The following MYOM2 variants were observed in gnomAD, a reference collection of about 807,000 sequenced individuals.
MYOM2 encodes the protein myomesin-2.
Under a neutral mutation model 187.6 loss-of-function variants are expected in MYOM2, and 254 were observed. The ratio of observed to expected loss-of-function variants is 1.35; its 90% CI spans 1.22 to 1.50. The LOEUF (loss-of-function observed/expected upper bound fraction) is 1.50, where lower values mean the gene tolerates loss of function less well. Among genes scored for constraint, MYOM2 ranks in the 40% most tolerant of loss-of-function variants. The probability of loss-of-function intolerance (pLI) is 0.00; values close to 1 mark genes in which losing one functional copy is unlikely to be tolerated. For missense variants in MYOM2, 2,796 were observed against 1,924.0 expected, an observed-to-expected ratio of 1.45 and a Z score of -8.48; for synonymous variants, 981 against 753.8, an observed-to-expected ratio of 1.30 and a Z score of -4.94.
chr8:2,114,400 T>C (rs62478427), intron 25 of MYOM2, among the ~76,000 whole-genome samples: 30,747 of 152,190 alleles, frequency 0.2, 3,268 homozygotes, highest in African/African-American at 0.27. Context: ...ACAGCTGCAC[T>C]GCAGGCAGGG....
At chr8:2,113,794 C>A (rs1387453986) in intron 25 of MYOM2, among the ~76,000 whole-genome samples, 1 of 152,214 alleles carries the variant, frequency 6.6e-6, no homozygotes, top group Non-Finnish European at 1.5e-5. Flanking sequence ...CTCAATGCCA[C>A]AGATGGCAGG....
At chr8:2,112,031 G>C (rs1476550836) in intron 25 of MYOM2, among the ~76,000 whole-genome samples, 1 of 152,184 alleles carries the variant, frequency 6.6e-6, no homozygotes, top group Non-Finnish European at 1.5e-5. Flanking sequence ...CAGATTCGAT[G>C]AAACAAAAAT....
At chr8:2,064,303 C>T (rs781634895) in intron 6 of MYOM2, among the ~76,000 whole-genome samples, 7 of 152,220 alleles carry the variant, frequency 4.6e-5, no homozygotes, top group Admixed American at 3.3e-4. Flanking sequence ...TTCCAACACA[C>T]TTCATACAGT....
intron 10 of MYOM2, among the ~76,000 whole-genome samples, chr8:2,074,936 C>T (rs11778645): frequency 0.31 from 47,401 of 152,142 alleles, 9,061 homozygotes; most frequent in Middle Eastern, 0.44. Context: ...CCCGGGCTCC[C>T]GGCTCCATCC....
rs1349975543 is a variant in MYOM2, at chr8:2,055,259, G to A, written c.264-2089G>A. Among the ~76,000 whole-genome samples, 3 of 152,176 alleles carry A rather than the reference G, an allele frequency of 2.0e-5. 1 individual carries two copies. The highest frequency in any genetic ancestry group is 7.2e-5 in the African/African-American group (3 of 41,440). Reference sequence around the variant, plus strand: ...GGTGTCATTCAACATGCACATGCATGTGCTTATAGAGGTGGCACGTGCTCT... The same window carrying A: ...GGTGTCATTCAACATGCACATGCATATGCTTATAGAGGTGGCACGTGCTCT... On this transcript the variant is annotated intron_variant, in intron 3 of 36. Coordinates refer to ENST00000262113, the MANE Select transcript of MYOM2 (RefSeq NM_003970.4).
chr8:2,095,189 C>A (rs952944750), intron 17 of MYOM2, among the ~76,000 whole-genome samples: 87 of 152,240 alleles, frequency 5.7e-4, no homozygotes, highest in African/African-American at 1.9e-3. Flanking sequence ...ATAGCGCTGA[C>A]TCTTTTGTTT....
chr8:2,086,651 C>A (rs1483774314), intron 14 of MYOM2, among the ~76,000 whole-genome samples: 1 of 152,264 alleles, frequency 6.6e-6, no homozygotes, highest in Admixed American at 6.5e-5. Context: ...GAAATTGGCA[C>A]CAGGGGGCTG....
chr8:2,068,926 T>C (rs1819118471), intron 6 of MYOM2, among the ~76,000 whole-genome samples: 2 of 152,196 alleles, frequency 1.3e-5, no homozygotes, highest in African/African-American at 4.8e-5. Context: ...AGGCTGTCCA[T>C]TGACAAGATG....
chr8:2,124,756 T>C (rs1797579373), intron 31 of MYOM2, among the ~76,000 whole-genome samples: 1 of 152,168 alleles, frequency 6.6e-6, no homozygotes, highest in Non-Finnish European at 1.5e-5. Flanking sequence ...GCCAGTGTTT[T>C]ATCTTTTGTC....
chr8:2,069,422 C>G (rs1361739063), intron 7 of MYOM2, 25 bp from the exon 8 acceptor site: 4 of 1,614,016 alleles, frequency 2.5e-6, no homozygotes, highest in Admixed American at 1.7e-5. Context: ...CTCTTTTCTG[C>G]TGCACTCACT....
intron 31 of MYOM2, 132 bp from the exon 32 acceptor site, chr8:2,128,995 C>G: frequency 5.1e-6 from 3 of 585,256 alleles, no homozygotes. Context: ...TTGTGGCTGG[C>G]CGACTTTATG....
At chr8:2,134,497 C>T (rs923070396) in intron 32 of MYOM2, among the ~76,000 whole-genome samples, 4 of 147,208 alleles carry the variant, frequency 2.7e-5, no homozygotes, top group Middle Eastern at 3.2e-3. Flanking sequence ...TGGCAAGTCT[C>T]TTGTCCCTCC....
chr8:2,075,064 A>G (rs1200998474), intron 10 of MYOM2, among the ~76,000 whole-genome samples: 1 of 152,246 alleles, frequency 6.6e-6, no homozygotes, highest in African/African-American at 2.4e-5. Flanking sequence ...CATTGCATCC[A>G]TTAGATCAGA....
intron 32 of MYOM2, among the ~76,000 whole-genome samples, chr8:2,131,832 A>G (rs1797883132): frequency 6.6e-6 from 1 of 151,784 alleles, no homozygotes; most frequent in African/African-American, 2.4e-5. Flanking sequence ...TTTAGTAGAG[A>G]TGGGGTTTCA....
intron 13 of MYOM2, 164 bp from the exon 14 acceptor site, chr8:2,085,099 A>G (rs1427073248): frequency 2.7e-6 from 2 of 734,692 alleles, no homozygotes; most frequent in South Asian, 1.9e-5. Context: ...TTGGTGCCTT[A>G]TCCTCTGGTT....
chr8:2,085,651 A>G lies in MYOM2; in HGVS notation c.1644+261A>G, dbSNP rs1192116440. Among the ~76,000 whole-genome samples, 3 of 6,272 alleles carry G rather than the reference A, an allele frequency of 4.8e-4. 1 individual carries two copies. The highest frequency in any genetic ancestry group is 0.04 in the East Asian group (2 of 50). 4.1% of individuals were successfully genotyped at this position (6,272 alleles called of 152,430 possible). Reference sequence around the variant, plus strand: ...AGTCGTGATCTCTTTGTGGCCCCCCACTGTCGTGATCTCTGCGTGGCCCCA... The same window carrying G: ...AGTCGTGATCTCTTTGTGGCCCCCCGCTGTCGTGATCTCTGCGTGGCCCCA... On this transcript the variant is annotated intron_variant, in intron 14 of 36. Coordinates refer to ENST00000262113, the MANE Select transcript of MYOM2 (RefSeq NM_003970.4).
intron 1 of MYOM2, among the ~76,000 whole-genome samples, chr8:2,049,573 T>C (rs1014722709): frequency 6.6e-6 from 1 of 152,166 alleles, no homozygotes; most frequent in South Asian, 2.1e-4. Context: ...TGGCCCGGGA[T>C]GTGGGTGGCA....
chr8:2,125,534 C>T (rs1192284551), intron 31 of MYOM2, among the ~76,000 whole-genome samples: 1 of 145,982 alleles, frequency 6.9e-6, no homozygotes, highest in Non-Finnish European at 1.5e-5. Context: ...CAGCTTTGTT[C>T]TTTTTCCTAA....
intron 13 of MYOM2, among the ~76,000 whole-genome samples, chr8:2,084,618 T>C (rs1255272584): frequency 6.6e-6 from 1 of 152,174 alleles, no homozygotes; most frequent in Non-Finnish European, 1.5e-5. Context: ...AAGATGTATG[T>C]CAGAAGAGAG....
Sources: gnomAD v4.1 joint callset for allele counts (sites outside exome capture counted in the v4.1 genomes callset) on GRCh38, gnomAD v4.1.1 for gene constraint, MANE v1.5 for transcripts, NCBI Gene and HGNC (gene_info 2026-07-23, HGNC 2026-07-21) for gene names.